Variants in PDE10A observed in about 807,000 individuals in gnomAD.
The protein encoded by PDE10A is phosphodiesterase 10A.
Under a neutral mutation model 97.7 loss-of-function variants are expected in PDE10A, and 39 were observed. The ratio of observed to expected loss-of-function variants is 0.40; its 90% CI spans 0.31 to 0.52. The LOEUF (loss-of-function observed/expected upper bound fraction) is 0.52, where lower values mean the gene tolerates loss of function less well. Ranked by LOEUF, PDE10A falls within the 20% of genes least tolerant of loss-of-function variation. PDE10A has a pLI of 0.56. For synonymous variants in PDE10A, 371 were observed against 376.8 expected, an observed-to-expected ratio of 0.98 and a Z score of 0.18; for missense variants, 731 against 1,047.8, an observed-to-expected ratio of 0.70 and a Z score of 4.17.
chr6:165,767,339 T>C (rs1160267133), intron 1 of PDE10A, among the ~76,000 whole-genome samples: 1 of 152,226 alleles, frequency 6.6e-6, no homozygotes, highest in Non-Finnish European at 1.5e-5. Flanking sequence ...TTCAGGGGTT[T>C]TTAGTATCTT....
chr6:165,780,051 A>G (rs996170111), intron 1 of PDE10A, among the ~76,000 whole-genome samples: 4 of 152,124 alleles, frequency 2.6e-5, no homozygotes, highest in Non-Finnish European at 4.4e-5. Flanking sequence ...CTCCCCCTCT[A>G]TACTTAGTTT....
At chr6:165,899,016 C>T (rs1407678893) in intron 1 of PDE10A, among the ~76,000 whole-genome samples, 4 of 152,310 alleles carry the variant, frequency 2.6e-5, no homozygotes, top group South Asian at 2.1e-4. Flanking sequence ...TGCCTTCACT[C>T]GATGGTTTTG....
At chr6:165,485,550 T>C (rs116334383) in intron 2 of PDE10A, among the ~76,000 whole-genome samples, 1 of 150,976 alleles carries the variant, frequency 6.6e-6, no homozygotes, top group Non-Finnish European at 1.5e-5. Flanking sequence ...AGGCAATTAT[T>C]GAAGGCCACC....
chr6:165,520,442 C>G (rs62443798), intron 2 of PDE10A, among the ~76,000 whole-genome samples: 2 of 152,070 alleles, frequency 1.3e-5, no homozygotes, highest in East Asian at 3.9e-4. Flanking sequence ...GGAACTACTT[C>G]GTGCTTGACA....
intron 4 of PDE10A, 113 bp from the exon 5 acceptor site, chr6:165,449,090 A>C: frequency 1.3e-6 from 1 of 745,654 alleles, no homozygotes; most frequent in South Asian, 1.6e-5. Context: ...TTGTTAACAG[A>C]ATCAATGGTC....
intron 1 of PDE10A, among the ~76,000 whole-genome samples, chr6:165,891,458 C>T (rs1396964526): frequency 6.6e-6 from 1 of 152,180 alleles, no homozygotes; most frequent in Non-Finnish European, 1.5e-5. Flanking sequence ...CTCCCAGGTT[C>T]AGCCAGGGAG....
At chr6:165,349,171 G>A (rs1377460010) in intron 18 of PDE10A, among the ~76,000 whole-genome samples, 2 of 152,142 alleles carry the variant, frequency 1.3e-5, no homozygotes, top group Non-Finnish European at 2.9e-5. Context: ...GGAAAATATG[G>A]GAAAGTTTGG....
rs147493327 is a variant in PDE10A, at chr6:165,952,688, C to A, written c.-615+34841G>T. On this transcript the variant is annotated intron_variant, in intron 1 of 19. Transcript: ENST00000366882. Reference sequence around the variant, plus strand: ...CAGAGAGAAAGGGCTCTGCACGGGACGGAAAGCGCAGCTGCCCTGACCAGC... The same window carrying A: ...CAGAGAGAAAGGGCTCTGCACGGGAAGGAAAGCGCAGCTGCCCTGACCAGC... Among the ~76,000 whole-genome samples the A allele has an allele frequency of 1.4e-3, 213 of 152,316 alleles. 1 individual carries two copies. Among genetic ancestry groups the A allele is most frequent in the African/African-American group, 4.9e-3 (205 of 41,576 alleles).
intron 1 of PDE10A, among the ~76,000 whole-genome samples, chr6:165,602,953 G>C (rs1787035372): frequency 6.6e-6 from 1 of 152,102 alleles, no homozygotes; most frequent in South Asian, 2.1e-4. Flanking sequence ...AACCTAGTTT[G>C]TATTACATTT....
intron 1 of PDE10A, among the ~76,000 whole-genome samples, chr6:165,657,543 T>C (rs1790029306): frequency 6.6e-6 from 1 of 152,264 alleles, no homozygotes; most frequent in Non-Finnish European, 1.5e-5. Context: ...ACCTGCCGTA[T>C]AGTAAACAAA....
chr6:165,868,541 C>T (rs1012404861), intron 1 of PDE10A, among the ~76,000 whole-genome samples: 3 of 151,542 alleles, frequency 2.0e-5, no homozygotes, highest in Non-Finnish European at 4.4e-5. Context: ...CAAAGAAGAG[C>T]CCAGGTCCAG....
chr6:165,620,335 G>A (rs1788066750), intron 1 of PDE10A, among the ~76,000 whole-genome samples: 1 of 152,170 alleles, frequency 6.6e-6, no homozygotes, highest in Non-Finnish European at 1.5e-5. Context: ...TGATGGGGGG[G>A]TAGAAATGGC....
At chr6:165,514,580 G>C (rs1323494126) in intron 2 of PDE10A, among the ~76,000 whole-genome samples, 1 of 152,182 alleles carries the variant, frequency 6.6e-6, no homozygotes, top group East Asian at 1.9e-4. Flanking sequence ...GCCAGAAACA[G>C]GTTTACCCCA....
At chr6:165,653,636 C>A (rs1362769779) in intron 1 of PDE10A, among the ~76,000 whole-genome samples, 1 of 152,206 alleles carries the variant, frequency 6.6e-6, no homozygotes, top group Non-Finnish European at 1.5e-5. Flanking sequence ...TCTCTACCAG[C>A]GGCTCTCCAG....
rs191254782 is a variant in PDE10A, at chr6:165,425,470, T to C, written c.1653+3188A>G. On this transcript the variant is annotated intron_variant, in intron 10 of 21. Transcript: ENST00000539869. ...GATCATCTACACTGATGCACAAAAA[T>C]TGACAAACTGTAACATACCTGCATG... 3.8e-4 allele frequency among the ~76,000 whole-genome samples: 58 copies of C among 152,098 alleles called. 1 individual carries two copies. The highest frequency in any genetic ancestry group is 2.1e-3 in the East Asian group (11 of 5,172).
At chr6:165,358,672 T>C (rs1273894234) in intron 18 of PDE10A, among the ~76,000 whole-genome samples, 1 of 152,006 alleles carries the variant, frequency 6.6e-6, no homozygotes, top group Non-Finnish European at 1.5e-5. Flanking sequence ...TCTATGTATA[T>C]TTAATTTAAT....
chr6:165,647,065 A>AT (rs1375230536), intron 1 of PDE10A, among the ~76,000 whole-genome samples: 3 of 152,220 alleles, frequency 2.0e-5, no homozygotes, highest in Non-Finnish European at 4.4e-5. Flanking sequence ...TGATGGGCAC[A>AT]TTCTCACCTT....
intron 2 of PDE10A, among the ~76,000 whole-genome samples, chr6:165,540,882 G>A (rs576557646): frequency 6.6e-6 from 1 of 152,100 alleles, no homozygotes; most frequent in East Asian, 1.9e-4. Context: ...TTCCCACCTC[G>A]GCCTCCCAAA....
intron 1 of PDE10A, among the ~76,000 whole-genome samples, chr6:165,980,483 G>A (rs1271040277): frequency 6.6e-6 from 1 of 152,256 alleles, no homozygotes; most frequent in Non-Finnish European, 1.5e-5. Context: ...ATTGTACCAC[G>A]GAATATTATA....
Sources: gnomAD v4.1 joint callset for allele counts (sites outside exome capture counted in the v4.1 genomes callset) on GRCh38, gnomAD v4.1.1 for gene constraint, MANE v1.5 for transcripts, NCBI Gene and HGNC (gene_info 2026-07-23, HGNC 2026-07-21) for gene names.